The following STYXL1 variants were observed in gnomAD, a reference collection of about 807,000 sequenced individuals.
STYXL1 encodes serine/threonine/tyrosine-interacting-like protein 1.
In STYXL1, 32 loss-of-function variants were observed where a neutral mutation model predicts 36.4. That is an observed-to-expected ratio of 0.88 (90% CI 0.66 to 1.18). The LOEUF is 1.18. STYXL1 is among the 50% of genes most tolerant of loss of function. STYXL1 has a pLI of 0.00. For synonymous variants in STYXL1, 133 were observed against 144.1 expected, an observed-to-expected ratio of 0.92 and a Z score of 0.55; for missense variants, 354 against 394.1, an observed-to-expected ratio of 0.90 and a Z score of 0.86.
chr7:76,030,719 A>G (rs1554579058), intron 1 of STYXL1, among the ~76,000 whole-genome samples, 192 bp from the exon 2 acceptor site: 1 of 152,124 alleles, frequency 6.6e-6, no homozygotes, highest in African/African-American at 2.4e-5. Context: ...AATCTTAAAT[A>G]CAACATATCT....
intron 3 of STYXL1, among the ~76,000 whole-genome samples, chr7:76,027,064 AAAG>A (rs1554577924): frequency 6.6e-6 from 1 of 151,826 alleles, no homozygotes; most frequent in African/African-American, 2.4e-5. Flanking sequence ...TTCTGTCTCA[AAAG>A]AAAAAAAAAA....
At chr7:76,023,862 A>G (rs1239411416) in intron 3 of STYXL1, among the ~76,000 whole-genome samples, 1 of 152,034 alleles carries the variant, frequency 6.6e-6, no homozygotes, top group Admixed American at 6.6e-5. Flanking sequence ...AAAATACAAA[A>G]ATTAGCCAGG....
rs1554564193 is a variant in STYXL1 at position 75,996,586 on chromosome 7, T to C, written c.824A>G (p.Tyr275Cys). ...CATGTTGTTTTTGCACTTCTTGACA[T>C]AGGCCCAGGACCTCTATGAATACAA... ...NEQTLQRSWA[Y>C]VKKCKNNMCP... Residue 275 changes from tyrosine (Y) to cysteine (C), a missense_variant, in exon 9 of 9, where the codon TAT (tyrosine) becomes TGT (cysteine). Tyr to Cys is a radical substitution (Grantham distance 194). Coordinates refer to ENST00000359697, the MANE Select transcript of STYXL1 (RefSeq NM_001317785.2). The C allele has an allele frequency of 3.1e-6, 5 of 1,614,226 alleles. No individual in the cohort carries two copies. The highest frequency in any genetic ancestry group is 2.2e-5 in the East Asian group (1 of 44,882).
intron 8 of STYXL1, among the ~76,000 whole-genome samples, chr7:75,999,695 G>A (rs933672836): frequency 2.6e-5 from 4 of 151,718 alleles, no homozygotes; most frequent in Admixed American, 1.3e-4. Flanking sequence ...TTACAGGCAC[G>A]CACCACCACG....
At chr7:76,046,745 G>A (rs1797155194) in intron 1 of STYXL1, among the ~76,000 whole-genome samples, 1 of 149,632 alleles carries the variant, frequency 6.7e-6, no homozygotes. Context: ...CCACCTCCCG[G>A]GTTCAAGCGA....
chr7:76,017,469 G>C (rs1435171582), intron 4 of STYXL1, among the ~76,000 whole-genome samples: 1 of 152,094 alleles, frequency 6.6e-6, no homozygotes, highest in Non-Finnish European at 1.5e-5. Flanking sequence ...TAGAAAACCA[G>C]ATACCACATG....
Position 76,047,927 on chromosome 7 carries a change from G to A in STYXL1, c.-270C>T. On this transcript the variant is annotated 5_prime_UTR_variant, in exon 1 of 9. Coordinates refer to ENST00000359697, the MANE Select transcript of STYXL1 (RefSeq NM_001317785.2). ...AGGTCCCCCACCGGCCACACAGACG[G>A]CTACGCTAGAACCCAGCCAAACACC... The A allele has an allele frequency of 7.0e-7, 1 of 1,431,504 alleles. No homozygotes were observed. The highest frequency in any genetic ancestry group is 9.1e-7 in the Non-Finnish European group (1 of 1,094,190). 88.7% of individuals were successfully genotyped at this position (1,431,504 alleles called of 1,614,324 possible). A position where few individuals can be genotyped will look rare whatever the true frequency, so the allele number is the denominator to read the frequency against.
At chr7:75,999,511 ATGTGTG>A (rs71301271) in intron 8 of STYXL1, among the ~76,000 whole-genome samples, 14 of 95,972 alleles carry the variant, frequency 1.5e-4, no homozygotes, top group South Asian at 1.3e-3. Context: ...GTGTGTGTGT[ATGTGTG>A]TGTGTGTGTG....
At chr7:76,031,751 A>G (rs1205810186) in intron 1 of STYXL1, among the ~76,000 whole-genome samples, 1 of 151,752 alleles carries the variant, frequency 6.6e-6, no homozygotes, top group Admixed American at 6.6e-5. Flanking sequence ...ATGTGGGCAG[A>G]GAATAAAATC....
intron 7 of STYXL1, among the ~76,000 whole-genome samples, chr7:76,003,524 G>C (rs1791246130): frequency 6.6e-6 from 1 of 152,170 alleles, no homozygotes; most frequent in South Asian, 2.1e-4. Context: ...CAGAGCCTTG[G>C]GCCCCACTGC....
chr7:76,029,454 A>G (rs1795085716), intron 2 of STYXL1, among the ~76,000 whole-genome samples: 3 of 152,054 alleles, frequency 2.0e-5, no homozygotes, highest in Admixed American at 2.0e-4. Flanking sequence ...GCCTCTTAAC[A>G]GCTTTCTAAA....
chr7:76,003,165 G>A (rs1227750592), intron 7 of STYXL1, among the ~76,000 whole-genome samples: 8 of 152,216 alleles, frequency 5.3e-5, no homozygotes, highest in Admixed American at 2.0e-4. Context: ...CTTGGGTGTG[G>A]TGGCTCATGC....
chr7:76,005,570 T>C (rs1791564613), intron 5 of STYXL1, among the ~76,000 whole-genome samples, 166 bp from the exon 6 acceptor site: 1 of 152,022 alleles, frequency 6.6e-6, no homozygotes. Context: ...GTAACTTGCA[T>C]GGGGTGGCAC....
rs56057187 is a variant in STYXL1, at chr7:75,999,557, T to TATATA, written c.810+1332_810+1333insTATAT. On this transcript the variant is annotated intron_variant, in intron 8 of 8. Coordinates refer to ENST00000359697, the MANE Select transcript of STYXL1 (RefSeq NM_001317785.2). ...TGTGTGTGTGTGTGTGTGTGTATAT[T>TATATA]TTTTTTTGAGACAGAGTTTCGCTCT... 2.4e-3 allele frequency among the ~76,000 whole-genome samples: 341 copies of TATATA among 143,296 alleles called. 2 individuals are homozygous for TATATA. The highest frequency in any genetic ancestry group is 7.1e-3 in the Middle Eastern group (2 of 280). The allele number at this position is 143,296 out of a possible 152,430, so 94.0% of individuals were successfully genotyped here.
In STYXL1 at chr7:76,003,822, G is replaced by A. The variant is rs782778030; in HGVS notation, c.633C>T (p.Ile211=). The A allele has an allele frequency of 6.2e-7, 1 of 1,614,076 alleles. No homozygotes were observed. Among genetic ancestry groups the A allele is most frequent in the East Asian group, 2.2e-5 (1 of 44,898 alleles). ...GGGCTTCCGGGGAATCTTCTATCCG[G>A]ATGTGCAGAAGCTTGTCAGCATCGC... ...FAGDADKLLH[I]RIEDSPEAQI... The change falls in exon 7 of 9, where the codon ATC becomes ATT. Residue 211 remains isoleucine, a synonymous_variant. Coordinates refer to ENST00000359697, the MANE Select transcript of STYXL1 (RefSeq NM_001317785.2).
chr7:75,997,099 C>T (rs1554564361), intron 8 of STYXL1, among the ~76,000 whole-genome samples: 1 of 152,008 alleles, frequency 6.6e-6, no homozygotes, highest in Non-Finnish European at 1.5e-5. Context: ...TGAGGACAAA[C>T]GAAAAAGGGA....
At chr7:76,030,387 G>A in intron 2 of STYXL1, 34 bp downstream of exon 2, 1 of 1,507,952 alleles carries the variant, frequency 6.6e-7, no homozygotes, top group Non-Finnish European at 9.2e-7. Flanking sequence ...AGGACACTGT[G>A]TTTGACCTCC....
intron 7 of STYXL1, among the ~76,000 whole-genome samples, chr7:76,002,961 A>C (rs1273419674): frequency 2.0e-5 from 3 of 152,112 alleles, no homozygotes; most frequent in Non-Finnish European, 2.9e-5. Flanking sequence ...GTTGGGCCAA[A>C]ATGCCATGCT....
chr7:76,013,575 C>T (rs1441763998), intron 5 of STYXL1, among the ~76,000 whole-genome samples, 167 bp downstream of exon 5: 1 of 151,780 alleles, frequency 6.6e-6, no homozygotes, highest in Non-Finnish European at 1.5e-5. Flanking sequence ...TGGGCACGCA[C>T]CACCACGCCC....
Sources: allele counts gnomAD v4.1 joint callset (sites outside exome capture counted in the v4.1 genomes callset), GRCh38; gene constraint gnomAD v4.1.1; transcripts MANE v1.5; gene names NCBI Gene and HGNC (gene_info 2026-07-23, HGNC 2026-07-21).